The following CRB1 variants were observed in gnomAD, a reference collection of about 807,000 sequenced individuals.
The protein encoded by CRB1 is protein crumbs homolog 1.
In CRB1, 83 loss-of-function variants were observed where a neutral mutation model predicts 120.0. The ratio of observed to expected loss-of-function variants is 0.69; its 90% CI spans 0.58 to 0.83. The LOEUF (loss-of-function observed/expected upper bound fraction) is 0.83. CRB1 is among the 40% of genes least tolerant of loss of function. CRB1 has a pLI of 0.00. For missense variants in CRB1, 1,699 were observed against 1,687.6 expected (o/e 1.01, Z -0.12); for synonymous variants, 625 against 612.5 (o/e 1.02, Z -0.30).
chr1:197,436,614 C>G (rs1665173675), intron 9 of CRB1, among the ~76,000 whole-genome samples: 2 of 151,886 alleles, frequency 1.3e-5, no homozygotes, highest in African/African-American at 2.4e-5. Context: ...TATATACAAA[C>G]AAGAATGAGT....
chr1:197,216,962 T>C, the CRB1 span, among the ~76,000 whole-genome samples: 2 of 150,950 alleles, frequency 1.3e-5, no homozygotes, highest in Admixed American at 6.7e-5. Flanking sequence ...ACCCATAGAA[T>C]GGGAGAAAAT....
At chr1:197,452,621 G>T (rs951414896) in intron 11 of CRB1, among the ~76,000 whole-genome samples, 5 of 152,118 alleles carry the variant, frequency 3.3e-5, no homozygotes, top group African/African-American at 7.2e-5. Flanking sequence ...ATTTAGAAGG[G>T]CTAGTTACCT....
intron 11 of CRB1, chr1:197,442,623 T>C: frequency 9.0e-7 from 1 of 1,111,628 alleles, no homozygotes; most frequent in Non-Finnish European, 1.2e-6. Context: ...ATGAAAAAAG[T>C]GTTCTTAATA....
intron 1 of CRB1, among the ~76,000 whole-genome samples, chr1:197,283,888 T>G (rs1000171719): frequency 5.3e-5 from 8 of 151,860 alleles, no homozygotes; most frequent in African/African-American, 1.9e-4. Flanking sequence ...CTAACAGAAG[T>G]AGCTATATAT....
At chr1:197,327,005 T>C (rs1658530077) in intron 1 of CRB1, among the ~76,000 whole-genome samples, 2 of 149,372 alleles carry the variant, frequency 1.3e-5, no homozygotes, top group South Asian at 4.2e-4. Context: ...TTTCTCAACA[T>C]CTTATAAAGG....
chr1:197,422,070 C>A, intron 6 of CRB1, 114 bp downstream of exon 6: 2 of 946,356 alleles, frequency 2.1e-6, no homozygotes, highest in Non-Finnish European at 3.2e-6. Flanking sequence ...CCCCACAAGA[C>A]TTCTGCTGCT....
intron 1 of CRB1, among the ~76,000 whole-genome samples, chr1:197,326,783 AG>A (rs1658517905): frequency 6.6e-6 from 1 of 152,124 alleles, no homozygotes; most frequent in African/African-American, 2.4e-5. Context: ...GGTAATTTAC[AG>A]GAAGGGCATA....
chr1:197,424,642 T>C (rs538301625), intron 6 of CRB1, among the ~76,000 whole-genome samples: 8 of 152,320 alleles, frequency 5.3e-5, no homozygotes, highest in East Asian at 1.9e-4. Context: ...TAATACAACA[T>C]TGACTTTTTG....
At chr1:197,432,409 A>G (rs1490920106) in intron 8 of CRB1, among the ~76,000 whole-genome samples, 2 of 150,488 alleles carry the variant, frequency 1.3e-5, no homozygotes, top group East Asian at 3.9e-4. Flanking sequence ...CACACATAGT[A>G]AAAAACAATA....
chr1:197,453,462 T>G (rs1666074572), intron 11 of CRB1, among the ~76,000 whole-genome samples: 1 of 147,042 alleles, frequency 6.8e-6, no homozygotes, highest in Admixed American at 6.9e-5. Flanking sequence ...TATATTGGTA[T>G]ATAAATATAT....
chr1:197,419,710 C>T (rs1277113776), intron 5 of CRB1, among the ~76,000 whole-genome samples: 1 of 150,786 alleles, frequency 6.6e-6, no homozygotes, highest in Non-Finnish European at 1.5e-5. Flanking sequence ...TGTGGTGGCT[C>T]ACACCTGTAA....
In CRB1 at chr1:197,421,879, G is replaced by A. The variant is rs371557082; in HGVS notation, c.2051G>A (p.Arg684Lys). ...DWCESQPCQSRGRCINLWLSY... is the reference protein window; with the variant it reads ...DWCESQPCQSKGRCINLWLSY... ...TGTGAAAGCCAACCTTGTCAAAGCAGAGGACGCTGCATCAACTTGTGGCTG... is the reference window on the plus strand; with the variant it reads ...TGTGAAAGCCAACCTTGTCAAAGCAAAGGACGCTGCATCAACTTGTGGCTG... The change falls in exon 6 of 12, where the codon AGA becomes AAA. Residue 684 changes from arginine to lysine, a missense_variant. Coordinates refer to ENST00000367400, the MANE Select transcript of CRB1 (RefSeq NM_201253.3). The A allele has an allele frequency of 1.1e-5, 17 of 1,614,092 alleles. No individual in the cohort carries two copies. The highest frequency in any genetic ancestry group is 1.4e-5 in the Non-Finnish European group (16 of 1,180,052).
chr1:197,305,137 G>A (rs985452340), intron 1 of CRB1, among the ~76,000 whole-genome samples: 1 of 152,122 alleles, frequency 6.6e-6, no homozygotes, highest in Non-Finnish European at 1.5e-5. Context: ...ATCTAAGTTT[G>A]CTGTGTGCTC....
At chr1:197,425,168 T>C (rs1198141268) in intron 6 of CRB1, among the ~76,000 whole-genome samples, 1 of 152,180 alleles carries the variant, frequency 6.6e-6, no homozygotes, top group Non-Finnish European at 1.5e-5. Flanking sequence ...CAAATTTTCT[T>C]ATTAAGCATT....
At chr1:197,327,091 CAAAAAAAAAAAA>C (rs71131753) in intron 1 of CRB1, among the ~76,000 whole-genome samples, 15 of 25,700 alleles carry the variant, frequency 5.8e-4, no homozygotes, top group South Asian at 4.3e-3. Flanking sequence ...TCTCACACAC[CAAAAAAAAAAAA>C]AAAAAAAAAA....
intron 11 of CRB1, among the ~76,000 whole-genome samples, chr1:197,459,288 G>C (rs940815796): frequency 1.3e-5 from 2 of 152,088 alleles, no homozygotes; most frequent in Non-Finnish European, 2.9e-5. Flanking sequence ...GTTTCCTACA[G>C]GTTTTGATTA....
the CRB1 span, among the ~76,000 whole-genome samples, chr1:197,227,261 A>G: frequency 6.6e-6 from 1 of 152,150 alleles, no homozygotes; most frequent in African/African-American, 2.4e-5. Context: ...GTTACTTCCT[A>G]GATACAATGG....
At chr1:197,337,049 A>G (rs774068140) in intron 2 of CRB1, among the ~76,000 whole-genome samples, 1 of 152,184 alleles carries the variant, frequency 6.6e-6, no homozygotes, top group East Asian at 1.9e-4. Flanking sequence ...GGTCCTTCCA[A>G]AATGTATATG....
chr1:197,349,836 C>G (rs1659986681), intron 4 of CRB1, among the ~76,000 whole-genome samples: 1 of 151,934 alleles, frequency 6.6e-6, no homozygotes. Context: ...CGCGGTGGCT[C>G]ACGCCTGTAA....
Sources: gnomAD v4.1 joint callset for allele counts (sites outside exome capture counted in the v4.1 genomes callset) on GRCh38, gnomAD v4.1.1 for gene constraint, MANE v1.5 for transcripts, NCBI Gene and HGNC (gene_info 2026-07-23, HGNC 2026-07-21) for gene names.